The following CNMD variants were observed in gnomAD, a reference collection of about 807,000 sequenced individuals.
CNMD encodes the protein chondromodulin, also known as leukocyte cell-derived chemotaxin 1.
CNMD carries 30 observed loss-of-function variants against 37.5 expected under a neutral mutation model. The ratio of observed to expected loss-of-function variants is 0.80; its 90% CI spans 0.60 to 1.09. CNMD has a LOEUF of 1.09. Among genes scored for constraint, CNMD ranks in the 50% least tolerant of loss-of-function variants. The probability of loss-of-function intolerance (pLI) is 0.00; values close to 1 mark genes in which losing one functional copy is unlikely to be tolerated. For synonymous variants in CNMD, 167 were observed against 148.2 expected (o/e 1.13, Z -0.92); for missense variants, 398 against 423.9 (o/e 0.94, Z 0.54).
chr13:52,725,319 A>T (rs924460653), intron 3 of CNMD, among the ~76,000 whole-genome samples: 5 of 152,210 alleles, frequency 3.3e-5, no homozygotes, highest in African/African-American at 1.2e-4. Context: ...AAATTAATTA[A>T]TTCTGTGAAT....
At chr13:52,706,272 G>A (rs1964172232) in intron 6 of CNMD, among the ~76,000 whole-genome samples, 1 of 152,188 alleles carries the variant, frequency 6.6e-6, no homozygotes, top group South Asian at 2.1e-4. Flanking sequence ...TAGGGCTGAT[G>A]TAATTCCTTG....
Position 52,712,869 on chromosome 13 carries a change from C to T in CNMD, c.469G>A (p.Glu157Lys). 1 of 1,547,864 alleles carries T rather than the reference C, an allele frequency of 6.5e-7. No individual in the cohort carries two copies. Among genetic ancestry groups the T allele is most frequent in the Non-Finnish European group, 8.7e-7 (1 of 1,150,824 alleles). ...TATTTGACTGGCATGATCTTGCCTTCCTGAAAGTAAAAACGATTGCATTTG... is the reference window on the plus strand; with the variant it reads ...TATTTGACTGGCATGATCTTGCCTTTCTGAAAGTAAAAACGATTGCATTTG... The part of the protein sequence containing the change: ...VTKQSISSKL[E>K]GKIMPVKYEE... The change falls in exon 5 of 7, where the codon GAA becomes AAA. Residue 157 changes from glutamate to lysine, a missense_variant and splice_region_variant. Coordinates refer to ENST00000377962, the MANE Select transcript of CNMD (RefSeq NM_007015.3).
Position 52,733,328 on chromosome 13 carries a change from T to C in CNMD, c.245A>G (p.Asn82Ser), listed in dbSNP as rs949444454. The C allele has an allele frequency of 3.1e-6, 5 of 1,613,988 alleles. No homozygotes were observed. The South Asian group carries it at 3.3e-5, about 11-fold the overall frequency. ...CATTGACCCATCTTGTAATTTCCCATTGATACTCATGGTGTAATGGACATT... is the reference window on the plus strand; with the variant it reads ...CATTGACCCATCTTGTAATTTCCCACTGATACTCATGGTGTAATGGACATT... ...IYNVHYTMSI[N>S]GKLQDGSMEI... Residue 82 changes from asparagine (N) to serine (S), a missense_variant, in exon 3 of 7, where the codon AAT becomes AGT. By Grantham distance (46) the Asn-to-Ser change is conservative. Coordinates refer to ENST00000377962, the MANE Select transcript of CNMD (RefSeq NM_007015.3).
rs149112371 is a variant in CNMD at position 52,703,656 on chromosome 13, G to A, written c.944C>T (p.Ser315Leu). ...ACATGGCATGATGACTCTGCAGGCC[G>A]AACGGCAGCCTTGATAATTATAAGG... ...PWPYNYQGCR[S>L]ACRVIMPCSW... Residue 315 changes from serine (S) to leucine (L), a missense_variant, in exon 7 of 7, where the codon TCG becomes TTG. Physicochemically the swap from Ser to Leu is moderately radical, Grantham distance 145. Transcript: ENST00000377962. 3.4e-4 allele frequency: 548 copies of A among 1,613,986 alleles called. No homozygotes were observed. The highest frequency in any genetic ancestry group is 4.4e-4 in the Non-Finnish European group (515 of 1,179,980).
chr13:52,711,284 G>A (rs1281973466), intron 5 of CNMD, among the ~76,000 whole-genome samples: 3 of 152,178 alleles, frequency 2.0e-5, no homozygotes, highest in Admixed American at 2.0e-4. Context: ...AAAGATGGGA[G>A]TTCCTGGGCG....
At chr13:52,705,481 TATTTCTTGA>T (rs904592264) in intron 6 of CNMD, among the ~76,000 whole-genome samples, 1 of 152,210 alleles carries the variant, frequency 6.6e-6, no homozygotes, top group Admixed American at 6.5e-5. Context: ...TTCTTTACCT[TATTTCTTGA>T]ATAGGTTAAT....
chr13:52,712,877 TA>T lies in CNMD; in HGVS notation c.469-9del. The stretch of plus-strand genomic sequence containing the variant: ...TGGCATGATCTTGCCTTCCTGAAAG[TA>T]AAAACGATTGCATTTGAGCAAAGAG... On this transcript the variant is annotated splice_polypyrimidine_tract_variant and intron_variant, in intron 4 of 6. Coordinates refer to ENST00000377962, the MANE Select transcript of CNMD (RefSeq NM_007015.3). The T allele has an allele frequency of 6.5e-7, 1 of 1,542,596 alleles. No homozygotes were observed.
chr13:52,725,068 A>G (rs780767171), intron 3 of CNMD, among the ~76,000 whole-genome samples: 1 of 152,206 alleles, frequency 6.6e-6, no homozygotes, highest in East Asian at 1.9e-4. Flanking sequence ...TAGTTATTCC[A>G]TCTATATTCA....
In CNMD at chr13:52,703,639, T is replaced by C; in HGVS notation, c.961A>G (p.Met321Val). ...CGGGCCACCCACCAGCTACATGGCA[T>C]GATGACTCTGCAGGCCGAACGGCAG... ...QGCRSACRVI[M>V]PCSWWVARIL... The change falls in exon 7 of 7, where the codon ATG (methionine) becomes GTG (valine). Residue 321 changes from methionine (M) to valine (V), a missense_variant. By Grantham distance (21) the Met-to-Val change is conservative (BLOSUM62 1). Transcript: ENST00000377962. 6.2e-7 allele frequency: 1 copy of C among 1,613,960 alleles called. No individual in the cohort carries two copies. The highest frequency in any genetic ancestry group is 8.5e-7 in the Non-Finnish European group (1 of 1,179,872).
intron 2 of CNMD, among the ~76,000 whole-genome samples, chr13:52,736,301 G>A (rs1454495344): frequency 1.3e-5 from 2 of 152,010 alleles, no homozygotes; most frequent in Admixed American, 6.5e-5. Flanking sequence ...GCCTTTATTT[G>A]CATTTTTAGT....
At chr13:52,719,328 T>A (rs1964441872) in intron 4 of CNMD, among the ~76,000 whole-genome samples, 2 of 152,162 alleles carry the variant, frequency 1.3e-5, no homozygotes, top group Non-Finnish European at 1.5e-5. Context: ...CCATTTACAT[T>A]TAAGGTTAAT....
intron 4 of CNMD, among the ~76,000 whole-genome samples, chr13:52,715,796 G>A (rs1413373506): frequency 6.6e-6 from 1 of 152,156 alleles, no homozygotes; most frequent in Non-Finnish European, 1.5e-5. Context: ...ATTGTGAATA[G>A]TGCTGCAATA....
intron 5 of CNMD, among the ~76,000 whole-genome samples, chr13:52,711,127 A>T (rs1964283546): frequency 6.6e-6 from 1 of 152,162 alleles, no homozygotes; most frequent in African/African-American, 2.4e-5. Context: ...CACCTCAAAT[A>T]CCTACAACAA....
At chr13:52,705,082 T>A (rs918257313) in intron 6 of CNMD, among the ~76,000 whole-genome samples, 1 of 151,322 alleles carries the variant, frequency 6.6e-6, no homozygotes, top group Admixed American at 6.6e-5. Context: ...ATTTCAAACA[T>A]ACTGGAGAGT....
chr13:52,723,239 G>T (rs1328572382), intron 4 of CNMD, among the ~76,000 whole-genome samples: 1 of 152,112 alleles, frequency 6.6e-6, no homozygotes, highest in Non-Finnish European at 1.5e-5. Flanking sequence ...CTATAGGTAC[G>T]CACTACCATG....
At chr13:52,733,404 A>G (rs1964707936) in intron 2 of CNMD, 45 bp from the exon 3 acceptor site, 1 of 1,592,970 alleles carries the variant, frequency 6.3e-7, no homozygotes, top group Non-Finnish European at 8.6e-7. Context: ...TTTTTGAGCA[A>G]TTCAGGGCTT....
intron 4 of CNMD, among the ~76,000 whole-genome samples, chr13:52,719,260 T>C (rs748672821): frequency 7.3e-6 from 1 of 137,666 alleles, no homozygotes; most frequent in Non-Finnish European, 1.6e-5. Flanking sequence ...AGCACACCGA[T>C]GGGTCTGGAC....
intron 4 of CNMD, among the ~76,000 whole-genome samples, chr13:52,717,993 G>C (rs1964418807): frequency 6.6e-6 from 1 of 152,064 alleles, no homozygotes; most frequent in African/African-American, 2.4e-5. Context: ...TGGTCGGTAG[G>C]CTATTAATTA....
rs766757486 is a variant in CNMD at position 52,739,725 on chromosome 13, A to C, written c.-24T>G. ...ATGTTTGCGGCGGGAGGAGTGAGGC[A>C]CTTGGAGACTCCCTGGGCACCCTGG... On this transcript the variant is annotated 5_prime_UTR_variant, in exon 1 of 7. Coordinates refer to ENST00000377962, the MANE Select transcript of CNMD (RefSeq NM_007015.3). This position sits in a 1 kb window ranked among gnomAD's most constrained non-coding sequence, Gnocchi z 5.4. 1.9e-6 allele frequency: 3 copies of C among 1,605,432 alleles called. No homozygotes were observed. The highest frequency in any genetic ancestry group is 2.6e-6 in the Non-Finnish European group (3 of 1,172,420).
Sources: allele counts gnomAD v4.1 joint callset (sites outside exome capture counted in the v4.1 genomes callset), GRCh38; gene constraint gnomAD v4.1.1; non-coding constraint Gnocchi (gnomAD v3.1); transcripts MANE v1.5; gene names NCBI Gene and HGNC (gene_info 2026-07-23, HGNC 2026-07-21).